PRR16: variants seen among roughly 807,000 people sequenced by gnomAD.
PRR16 encodes protein Largen.
PRR16 carries 6 observed loss-of-function variants against 18.2 expected under a neutral mutation model. That is an observed-to-expected ratio of 0.33 (90% CI 0.18 to 0.65). The LOEUF (loss-of-function observed/expected upper bound fraction) is 0.65, where lower values mean the gene tolerates loss of function less well. Ranked by LOEUF, PRR16 falls within the 30% of genes least tolerant of loss-of-function variation. PRR16 has a pLI of 0.74. For synonymous variants in PRR16, 151 were observed against 147.8 expected (o/e 1.02, Z -0.16); for missense variants, 412 against 376.6 (o/e 1.09, Z -0.78).
At chr5:120,709,525 A>G in the PRR16 span, among the ~76,000 whole-genome samples, 1 of 152,108 alleles carries the variant, frequency 6.6e-6, no homozygotes, top group Admixed American at 6.5e-5. Context: ...TTTTAAATAT[A>G]CAATGAATTA....
intron 1 of PRR16, among the ~76,000 whole-genome samples, chr5:120,610,953 T>A (rs890963250): frequency 2.6e-5 from 4 of 152,210 alleles, no homozygotes; most frequent in Admixed American, 6.5e-5. Context: ...ACTTGTTGAA[T>A]GACTTTGCCC....
At chr5:120,787,674 A>G in the PRR16 span, among the ~76,000 whole-genome samples, 8,549 of 152,152 alleles carry the variant, frequency 0.056, 547 homozygotes, top group African/African-American at 0.16. Context: ...GCTCACTTCA[A>G]TTTACCATTA....
At chr5:120,671,293 T>C (rs952399934) in intron 1 of PRR16, among the ~76,000 whole-genome samples, 1 of 152,136 alleles carries the variant, frequency 6.6e-6, no homozygotes, top group African/African-American at 2.4e-5. Flanking sequence ...TTTTTTTCTT[T>C]CTTTTAAAAA....
At position 120,487,486 on chromosome 5, in the gene PRR16, C is replaced by T. The variant is rs180885790; in HGVS notation, c.159+22841C>T. Among the ~76,000 whole-genome samples, 537 of 152,108 alleles carry T rather than the reference C, an allele frequency of 3.5e-3. 5 individuals carry two copies. Among genetic ancestry groups the T allele is most frequent in the African/African-American group, 0.011 (451 of 41,480 alleles). On this transcript the variant is annotated intron_variant, in intron 1 of 1. Transcript: ENST00000407149. ...TGTATAAGAATGCTTGTGATTTTTGCACATTGATTTTCTATCCTGAGACTT... is the reference window on the plus strand; with the variant it reads ...TGTATAAGAATGCTTGTGATTTTTGTACATTGATTTTCTATCCTGAGACTT...
intron 1 of PRR16, among the ~76,000 whole-genome samples, chr5:120,653,307 A>AG (rs1315896313): frequency 6.7e-6 from 1 of 149,510 alleles, no homozygotes; most frequent in African/African-American, 2.4e-5. Flanking sequence ...AGTAAAAAAA[A>AG]AAAGTATTTT....
chr5:120,612,395 C>G (rs1754364791), intron 1 of PRR16, among the ~76,000 whole-genome samples: 1 of 152,176 alleles, frequency 6.6e-6, no homozygotes, highest in African/African-American at 2.4e-5. Context: ...TAGCTGTGTT[C>G]TGCCCACCAA....
chr5:120,788,082 A>G, the PRR16 span, among the ~76,000 whole-genome samples: 36,209 of 151,592 alleles, frequency 0.24, 5,125 homozygotes, highest in Non-Finnish European at 0.31. Context: ...TTAAATTTCA[A>G]TTCAAATGCC....
At chr5:120,606,711 T>C (rs571498379) in intron 1 of PRR16, among the ~76,000 whole-genome samples, 20 of 152,158 alleles carry the variant, frequency 1.3e-4, no homozygotes, top group Admixed American at 5.2e-4. Flanking sequence ...GAGTCAAGCT[T>C]GGGCAACATA....
At chr5:120,772,661 CG>C in the PRR16 span, among the ~76,000 whole-genome samples, 2 of 151,966 alleles carry the variant, frequency 1.3e-5, no homozygotes, top group African/African-American at 4.8e-5. Context: ...TGATGGATAA[CG>C]CTTTGTCACA....
intron 1 of PRR16, among the ~76,000 whole-genome samples, chr5:120,504,879 A>G (rs1211774806): frequency 6.6e-6 from 1 of 152,136 alleles, no homozygotes; most frequent in South Asian, 2.1e-4. Flanking sequence ...ATAGTTACAG[A>G]TCTGTAGGCA....
chr5:120,620,163 CAGACCAGAACTTTTGCA>C (rs1292669511), intron 1 of PRR16, among the ~76,000 whole-genome samples: 2 of 152,102 alleles, frequency 1.3e-5, no homozygotes, highest in African/African-American at 4.8e-5. Flanking sequence ...ACGAAAAATG[CAGACCAGAACTTTTGCA>C]AGATTGTGGA....
chr5:120,491,071 G>A (rs1488020666), intron 1 of PRR16, among the ~76,000 whole-genome samples: 1 of 152,164 alleles, frequency 6.6e-6, no homozygotes, highest in Non-Finnish European at 1.5e-5. Flanking sequence ...CTACTGGGGG[G>A]TGCCTCCCAG....
At chr5:120,596,140 C>CT (rs70985229) in intron 1 of PRR16, among the ~76,000 whole-genome samples, 127 of 145,574 alleles carry the variant, frequency 8.7e-4, no homozygotes, top group Non-Finnish European at 1.4e-3. Context: ...TATCTCTTGT[C>CT]TTTTTTTTTT....
chr5:120,785,614 C>T, the PRR16 span, among the ~76,000 whole-genome samples: 1 of 121,724 alleles, frequency 8.2e-6, no homozygotes, highest in East Asian at 2.2e-4. Flanking sequence ...TCTCTGTCAC[C>T]CAGGCTGGAG....
At chr5:120,557,534 G>A (rs1156415216) in intron 1 of PRR16, among the ~76,000 whole-genome samples, 1 of 151,768 alleles carries the variant, frequency 6.6e-6, no homozygotes, top group East Asian at 1.9e-4. Flanking sequence ...AAAAATATAT[G>A]CATTAGGTTT....
chr5:120,614,924 G>C (rs942114774), intron 1 of PRR16, among the ~76,000 whole-genome samples: 3 of 152,100 alleles, frequency 2.0e-5, no homozygotes, highest in African/African-American at 7.2e-5. Context: ...GAGAATATCT[G>C]ACACTGAAGA....
the PRR16 span, among the ~76,000 whole-genome samples, chr5:120,697,979 G>T: frequency 6.6e-6 from 1 of 152,136 alleles, no homozygotes; most frequent in African/African-American, 2.4e-5. Flanking sequence ...CCATCTGGGC[G>T]TATACGTGCA....
chr5:120,593,809 A>G (rs565769166), intron 1 of PRR16, among the ~76,000 whole-genome samples: 7 of 152,090 alleles, frequency 4.6e-5, no homozygotes, highest in Non-Finnish European at 7.4e-5. Flanking sequence ...CTACCACAAT[A>G]AAATAGGCTT....
intron 1 of PRR16, among the ~76,000 whole-genome samples, chr5:120,471,672 T>C (rs1271576622): frequency 6.6e-6 from 1 of 152,102 alleles, no homozygotes; most frequent in Non-Finnish European, 1.5e-5. Context: ...AAATTGTTTG[T>C]TTTCTTTTCC....
Sources: allele counts gnomAD v4.1 joint callset (sites outside exome capture counted in the v4.1 genomes callset), GRCh38; gene constraint gnomAD v4.1.1; transcripts MANE v1.5; gene names NCBI Gene and HGNC (gene_info 2026-07-23, HGNC 2026-07-21).